Variants in GPC6 observed in about 807,000 individuals in gnomAD.
GPC6 encodes the protein glypican 6, also known as glypican-6.
A neutral mutation model predicts 55.2 loss-of-function variants in GPC6; 14 were observed. That is an observed-to-expected ratio of 0.25 (90% CI 0.17 to 0.40). GPC6 has a LOEUF of 0.40. GPC6 is among the 10% of genes least tolerant of loss of function. GPC6 has a pLI of 1.00. For missense variants in GPC6, 641 were observed against 708.5 expected (o/e 0.90, Z 1.08); for synonymous variants, 278 against 259.6 (o/e 1.07, Z -0.68).
chr13:93,897,410 T>G (rs1334074228), intron 3 of GPC6, among the ~76,000 whole-genome samples: 1 of 152,108 alleles, frequency 6.6e-6, no homozygotes, highest in Admixed American at 6.6e-5. Context: ...GATTTGATTA[T>G]GTGAATGTAT....
intron 3 of GPC6, among the ~76,000 whole-genome samples, chr13:93,838,103 A>G (rs1036706414): frequency 1.3e-5 from 2 of 152,202 alleles, no homozygotes; most frequent in African/African-American, 4.8e-5. Flanking sequence ...CAGTACTTTC[A>G]AGAGACAGAC....
chr13:93,931,436 CAAA>C lies in GPC6; in HGVS notation c.712-96276_712-96274del, dbSNP rs11334620. The stretch of plus-strand genomic sequence containing the variant: ...CCACAGGGGAAATACCATACACAGG[CAAA>C]AAAAAAAAAAAAAAAATTGTAAAAG... On this transcript the variant is annotated intron_variant, in intron 3 of 8. Coordinates refer to ENST00000377047, the MANE Select transcript of GPC6 (RefSeq NM_005708.5). Among the ~76,000 whole-genome samples the C allele has an allele frequency of 5.5e-3, 665 of 121,628 alleles. 4 individuals carry two copies. Among genetic ancestry groups the C allele is most frequent in the African/African-American group, 0.015 (462 of 31,476 alleles). 79.8% of individuals were successfully genotyped at this position (121,628 alleles called of 152,430 possible).
chr13:93,636,306 A>G (rs1879692753), intron 2 of GPC6, among the ~76,000 whole-genome samples: 1 of 152,196 alleles, frequency 6.6e-6, no homozygotes, highest in African/African-American at 2.4e-5. Flanking sequence ...GATGAAATAA[A>G]CAATAAATAA....
At chr13:93,936,627 C>T (rs969177444) in intron 3 of GPC6, among the ~76,000 whole-genome samples, 5 of 151,880 alleles carry the variant, frequency 3.3e-5, no homozygotes, top group African/African-American at 7.3e-5. Context: ...GAACATTAAT[C>T]GAGTTACCTG....
chr13:93,640,962 A>G lies in GPC6; in HGVS notation c.319+95541A>G, dbSNP rs372360175. On this transcript the variant is annotated intron_variant, in intron 2 of 8. Coordinates refer to ENST00000377047, the MANE Select transcript of GPC6 (RefSeq NM_005708.5). The stretch of plus-strand genomic sequence containing the variant: ...CAATAAGCATTATTACTTTTCTATC[A>G]TTTGAATCCTGTGTGTTCATTGGAA... Among the ~76,000 whole-genome samples, 436 of 148,948 alleles carry G rather than the reference A, an allele frequency of 2.9e-3. 1 individual carries two copies. The highest frequency in any genetic ancestry group is 0.012 in the South Asian group (56 of 4,722).
At chr13:93,246,711 G>A (rs1197325281) in intron 1 of GPC6, among the ~76,000 whole-genome samples, 1 of 138,326 alleles carries the variant, frequency 7.2e-6, no homozygotes, top group Admixed American at 8.0e-5. Context: ...GGCAGGAGGT[G>A]AACCCCAGAG....
intron 2 of GPC6, among the ~76,000 whole-genome samples, chr13:93,739,886 G>C (rs1030282838): frequency 9.2e-5 from 14 of 152,218 alleles, no homozygotes; most frequent in Admixed American, 8.5e-4. Flanking sequence ...AAATGAATAA[G>C]TAAAATACAT....
At chr13:94,127,157 A>G (rs1263573603) in intron 4 of GPC6, among the ~76,000 whole-genome samples, 1 of 151,920 alleles carries the variant, frequency 6.6e-6, no homozygotes, top group Non-Finnish European at 1.5e-5. Flanking sequence ...TGTATTGTTC[A>G]CTCTTAAGAG....
intron 1 of GPC6, among the ~76,000 whole-genome samples, chr13:93,389,503 C>CA (rs5805801): frequency 0.021 from 2,619 of 124,250 alleles, 44 homozygotes; most frequent in African/African-American, 0.033. Context: ...GACTCCATCT[C>CA]AAAAAAAAAA....
chr13:93,310,134 T>C (rs1434629693), intron 1 of GPC6, among the ~76,000 whole-genome samples: 3 of 152,172 alleles, frequency 2.0e-5, no homozygotes, highest in African/African-American at 7.2e-5. Context: ...AAATCTCCCA[T>C]TCAGTCTTTC....
chr13:93,405,474 T>A (rs1876251053), intron 1 of GPC6, among the ~76,000 whole-genome samples: 1 of 152,174 alleles, frequency 6.6e-6, no homozygotes, highest in Non-Finnish European at 1.5e-5. Context: ...AATGAAATGT[T>A]TGAAGTGGTA....
intron 1 of GPC6, among the ~76,000 whole-genome samples, chr13:93,231,889 A>G (rs1185873501): frequency 3.3e-5 from 5 of 152,176 alleles, no homozygotes; most frequent in African/African-American, 1.2e-4. Flanking sequence ...ATATTAAAAA[A>G]GCACTAAAGT....
At chr13:94,026,486 T>G (rs1373861130) in intron 3 of GPC6, among the ~76,000 whole-genome samples, 3 of 151,896 alleles carry the variant, frequency 2.0e-5, no homozygotes, top group African/African-American at 7.3e-5. Flanking sequence ...AGATCTAGAA[T>G]GCAAGTACAG....
upstream of GPC6, among the ~76,000 whole-genome samples, chr13:93,224,498 T>C (rs1308105662): frequency 6.6e-6 from 1 of 152,206 alleles, no homozygotes; most frequent in Admixed American, 6.5e-5. Flanking sequence ...CTGGCCTCGT[T>C]TGCTTCCTCT....
In GPC6 at chr13:93,977,338, C is replaced by T. The variant is rs1475049058; in HGVS notation, c.712-50391C>T. Among the ~76,000 whole-genome samples, 3 of 152,148 alleles carry T rather than the reference C, an allele frequency of 2.0e-5. No homozygotes were observed. The South Asian group carries it at 6.2e-4, about 32-fold the overall frequency. ...AGAGACAATCAAATGGGTTTCATTGCCAGATTATAGAATCAGCTAATGAAT... is the reference window on the plus strand; with the variant it reads ...AGAGACAATCAAATGGGTTTCATTGTCAGATTATAGAATCAGCTAATGAAT... On this transcript the variant is annotated intron_variant, in intron 3 of 8. Coordinates refer to ENST00000377047, the MANE Select transcript of GPC6 (RefSeq NM_005708.5).
At chr13:94,119,553 G>A (rs1255038720) in intron 4 of GPC6, among the ~76,000 whole-genome samples, 4 of 152,102 alleles carry the variant, frequency 2.6e-5, no homozygotes, top group African/African-American at 4.8e-5. Flanking sequence ...CCAGACCCAG[G>A]TAAGAATCGT....
At chr13:93,784,937 T>G (rs1333862894) in intron 2 of GPC6, among the ~76,000 whole-genome samples, 1 of 152,098 alleles carries the variant, frequency 6.6e-6, no homozygotes, top group Non-Finnish European at 1.5e-5. Context: ...ATAGATAAAT[T>G]GAATTTAAAT....
At chr13:93,618,587 A>G (rs533428932) in intron 2 of GPC6, among the ~76,000 whole-genome samples, 102 of 152,286 alleles carry the variant, frequency 6.7e-4, no homozygotes, top group Admixed American at 9.8e-4. Flanking sequence ...GTCTCTAATT[A>G]CACTTTGGAT....
chr13:93,657,914 C>A (rs1193437493), intron 2 of GPC6, among the ~76,000 whole-genome samples: 1 of 151,948 alleles, frequency 6.6e-6, no homozygotes, highest in Non-Finnish European at 1.5e-5. Context: ...TCCCATCTTA[C>A]ACTTGTCAGA....
Sources: gnomAD v4.1 joint callset for allele counts (sites outside exome capture counted in the v4.1 genomes callset) on GRCh38, gnomAD v4.1.1 for gene constraint, MANE v1.5 for transcripts, NCBI Gene and HGNC (gene_info 2026-07-23, HGNC 2026-07-21) for gene names.